Variants in DOCK3 observed in about 807,000 individuals in gnomAD.
DOCK3 encodes the protein dedicator of cytokinesis protein 3.
Under a neutral mutation model 265.6 loss-of-function variants are expected in DOCK3, and 60 were observed. The observed-to-expected ratio is 0.23, with a 90% CI of 0.18 to 0.28. The LOEUF (loss-of-function observed/expected upper bound fraction) is 0.28, where lower values mean the gene tolerates loss of function less well. DOCK3 is among the 10% of genes least tolerant of loss of function. The pLI is 1.00. For missense variants in DOCK3, 1,981 were observed against 2,594.3 expected (o/e 0.76, Z 5.14); for synonymous variants, 881 against 938.0 (o/e 0.94, Z 1.11).
intron 12 of DOCK3, among the ~76,000 whole-genome samples, chr3:51,190,469 G>C (rs775378484): frequency 7.9e-5 from 12 of 152,174 alleles, no homozygotes; most frequent in Non-Finnish European, 1.8e-4. Context: ...TAGTAGTAAT[G>C]AACTGGTCAC....
chr3:50,764,275 C>T (rs2040721715), intron 1 of DOCK3, among the ~76,000 whole-genome samples: 1 of 151,998 alleles, frequency 6.6e-6, no homozygotes, highest in African/African-American at 2.4e-5. Flanking sequence ...ATACAATTGG[C>T]CCTTCATACC....
At chr3:51,205,100 G>A (rs1193469697) in intron 12 of DOCK3, among the ~76,000 whole-genome samples, 5 of 151,924 alleles carry the variant, frequency 3.3e-5, no homozygotes, top group Admixed American at 3.3e-4. Context: ...GCACCAGCAT[G>A]TCACATGTAT....
chr3:51,153,353 C>A (rs1017591693), intron 10 of DOCK3, among the ~76,000 whole-genome samples: 1 of 152,158 alleles, frequency 6.6e-6, no homozygotes, highest in Non-Finnish European at 1.5e-5. Flanking sequence ...TTTGCTAAGA[C>A]CGTTGTAAAA....
chr3:50,754,940 A>G (rs1474413728), intron 1 of DOCK3, among the ~76,000 whole-genome samples: 1 of 152,208 alleles, frequency 6.6e-6, no homozygotes, highest in African/African-American at 2.4e-5. Flanking sequence ...AAATGACTTT[A>G]CAGCAGTTGT....
At chr3:51,126,542 A>G (rs1432159377) in intron 9 of DOCK3, among the ~76,000 whole-genome samples, 2 of 152,178 alleles carry the variant, frequency 1.3e-5, no homozygotes, top group Non-Finnish European at 2.9e-5. Flanking sequence ...CCTTCCTCAG[A>G]AGCATTATGA....
At chr3:51,372,365 G>A (rs969748882) in intron 49 of DOCK3, among the ~76,000 whole-genome samples, 4 of 152,208 alleles carry the variant, frequency 2.6e-5, no homozygotes, top group African/African-American at 9.7e-5. Flanking sequence ...CAGGGGGAGG[G>A]AAGTGAAGTG....
chr3:51,075,644 C>T (rs981152311), intron 7 of DOCK3, among the ~76,000 whole-genome samples: 1 of 152,132 alleles, frequency 6.6e-6, no homozygotes, highest in Admixed American at 6.5e-5. Context: ...ACTGGGCTTA[C>T]CAAATTATCT....
At chr3:51,204,987 C>T (rs553132497) in intron 12 of DOCK3, among the ~76,000 whole-genome samples, 3 of 138,292 alleles carry the variant, frequency 2.2e-5, no homozygotes, top group African/African-American at 5.4e-5. Flanking sequence ...GGACACAGGA[C>T]GGGGAACATC....
chr3:50,854,513 C>T (rs2046489173), intron 3 of DOCK3, among the ~76,000 whole-genome samples: 1 of 145,660 alleles, frequency 6.9e-6, no homozygotes, highest in African/African-American at 2.5e-5. Context: ...TCATTGAAGC[C>T]TTGAACTCCT....
At chr3:51,285,277 C>T (rs1252755716) in intron 27 of DOCK3, among the ~76,000 whole-genome samples, 2 of 151,896 alleles carry the variant, frequency 1.3e-5, no homozygotes, top group Non-Finnish European at 2.9e-5. Context: ...AGAAATGAAC[C>T]ACAGAGCATC....
chr3:51,249,166 C>CCG (rs1553810565), intron 22 of DOCK3, among the ~76,000 whole-genome samples: 2 of 146,120 alleles, frequency 1.4e-5, no homozygotes, highest in Non-Finnish European at 3.0e-5. Context: ...GGTCAGCCCC[C>CCG]CGCCAGGCCA....
At chr3:50,929,794 T>C (rs984157294) in intron 4 of DOCK3, among the ~76,000 whole-genome samples, 9 of 152,180 alleles carry the variant, frequency 5.9e-5, no homozygotes, top group African/African-American at 2.2e-4. Context: ...CTGTAAAAAA[T>C]ATAAAGAACA....
intron 7 of DOCK3, among the ~76,000 whole-genome samples, chr3:51,081,511 C>T (rs149685651): frequency 2.0e-5 from 3 of 152,266 alleles, no homozygotes; most frequent in African/African-American, 7.2e-5. Context: ...TATGCTGAGT[C>T]AGTCTGCTCA....
At chr3:51,076,661 AACTCT>A (rs2082066876) in intron 7 of DOCK3, among the ~76,000 whole-genome samples, 1 of 152,152 alleles carries the variant, frequency 6.6e-6, no homozygotes, top group Non-Finnish European at 1.5e-5. Flanking sequence ...CTATGTTAGA[AACTCT>A]ACTCTAGTGG....
At position 51,249,136 on chromosome 3, in the gene DOCK3, G is replaced by A. The variant is rs13100194; in HGVS notation, c.2184+2329G>A. Among the ~76,000 whole-genome samples, 7 of 142,438 alleles carry A rather than the reference G, an allele frequency of 4.9e-5. No individual in the cohort carries two copies. The South Asian group carries it at 7.0e-4, about 14-fold the overall frequency. 93.4% of individuals were successfully genotyped at this position (142,438 alleles called of 152,430 possible). ...AGCCCCCCGCCAGGCCAGCCGCCCC[G>A]TCCGGGAGGGAGGTGGGGGGGTCAG... On this transcript the variant is annotated intron_variant, in intron 22 of 52. Coordinates refer to ENST00000266037, the MANE Select transcript of DOCK3 (RefSeq NM_004947.5).
At chr3:51,204,045 C>T (rs2089001775) in intron 12 of DOCK3, among the ~76,000 whole-genome samples, 1 of 149,152 alleles carries the variant, frequency 6.7e-6, no homozygotes, top group African/African-American at 2.5e-5. Flanking sequence ...AACGTTAGAC[C>T]TAAAACCATA....
chr3:51,297,405 A>T (rs950484198), intron 27 of DOCK3, among the ~76,000 whole-genome samples: 1 of 152,196 alleles, frequency 6.6e-6, no homozygotes, highest in African/African-American at 2.4e-5. Flanking sequence ...AACCCACAGA[A>T]TGGGAGAGAA....
chr3:50,916,900 G>T (rs2050160832), intron 4 of DOCK3, among the ~76,000 whole-genome samples: 1 of 151,298 alleles, frequency 6.6e-6, no homozygotes, highest in Non-Finnish European at 1.5e-5. Flanking sequence ...CTCCCTTTAT[G>T]AGGGGGACAA....
chr3:51,068,539 GAAAA>G (rs1160597168), intron 6 of DOCK3, among the ~76,000 whole-genome samples: 6 of 45,702 alleles, frequency 1.3e-4, no homozygotes, highest in East Asian at 2.0e-3. Flanking sequence ...GACTCCGTCT[GAAAA>G]AAAAAAAAAA....
Sources: gnomAD v4.1 joint callset for allele counts (sites outside exome capture counted in the v4.1 genomes callset) on GRCh38, gnomAD v4.1.1 for gene constraint, MANE v1.5 for transcripts, NCBI Gene and HGNC (gene_info 2026-07-23, HGNC 2026-07-21) for gene names.